Variants in UTP4 observed in about 807,000 individuals in gnomAD.
The protein encoded by UTP4 is UTP4 small subunit processome component.
In UTP4, 45 loss-of-function variants were observed where a neutral mutation model predicts 82.4. The ratio of observed to expected loss-of-function variants is 0.55; its 90% CI spans 0.43 to 0.70. The LOEUF (loss-of-function observed/expected upper bound fraction) is 0.70, where lower values mean the gene tolerates loss of function less well. Ranked by LOEUF, UTP4 falls within the 30% of genes least tolerant of loss-of-function variation. UTP4 has a pLI of 0.00. For missense variants in UTP4, 819 were observed against 858.3 expected (o/e 0.95, Z 0.57); for synonymous variants, 348 against 300.3 (o/e 1.16, Z -1.64).
intron 6 of UTP4, among the ~76,000 whole-genome samples, chr16:69,143,649 T>C (rs1415036522): frequency 1.3e-5 from 2 of 152,212 alleles, no homozygotes; most frequent in Non-Finnish European, 2.9e-5. Flanking sequence ...TCGTCTTGTT[T>C]GATTGTAGAT....
In UTP4 at chr16:69,160,299, C is replaced by T. The variant is rs1597151012; in HGVS notation, c.1445-57C>T. The T allele has an allele frequency of 3.0e-6, 4 of 1,330,836 alleles. No homozygotes were observed. In the South Asian group the frequency reaches 4.7e-5, roughly 16 times the overall value. The allele number at this position is 1,330,836 out of a possible 1,614,324, so 82.4% of individuals were successfully genotyped here. A position where few individuals can be genotyped will look rare whatever the true frequency, so the allele number is the denominator to read the frequency against. On this transcript the variant is annotated intron_variant, in intron 12 of 16. Coordinates refer to ENST00000314423, the MANE Select transcript of UTP4 (RefSeq NM_032830.3). ...TTGGCTTTTGCCATCATCTCCAGGG[C>T]AGGTCTGGCTGTGGACACTGTGTGA...
chr16:69,165,775 G>C (rs1963687421), intron 15 of UTP4: 1 of 594,930 alleles, frequency 1.7e-6, no homozygotes, highest in South Asian at 2.0e-5. Context: ...TTGCTGATTT[G>C]ACTATTTGTC....
chr16:69,137,941 G>C lies in UTP4; in HGVS notation c.436+56G>C, dbSNP rs1962853778. The C allele has an allele frequency of 2.9e-6, 3 of 1,031,026 alleles. No homozygotes were observed. The Admixed American group carries it at 5.1e-5, about 17-fold the overall frequency. 63.9% of individuals were successfully genotyped at this position (1,031,026 alleles called of 1,614,324 possible). On this transcript the variant is annotated intron_variant, in intron 4 of 16. Transcript: ENST00000314423. Reference sequence around the variant, plus strand: ...AGCCTTAACAAGAAATTAAGTTTCTGTGCCACTGGGGATGGGATATTTTCC... The same window carrying C: ...AGCCTTAACAAGAAATTAAGTTTCTCTGCCACTGGGGATGGGATATTTTCC...
intron 2 of UTP4, among the ~76,000 whole-genome samples, chr16:69,135,779 A>T (rs911561741): frequency 1.3e-5 from 2 of 152,170 alleles, no homozygotes; most frequent in African/African-American, 4.8e-5. Flanking sequence ...TAATCCCAGC[A>T]GTTTGGGAGG....
At chr16:69,151,026 A>T (rs1290081806) in intron 8 of UTP4, 122 bp downstream of exon 8, 17 of 739,338 alleles carry the variant, frequency 2.3e-5, no homozygotes, top group Middle Eastern at 3.7e-4. Context: ...TTTTTTTTTG[A>T]GACAGAGTTT....
Position 69,166,627 on chromosome 16 carries a change from G to A in UTP4, c.1834-448G>A, listed in dbSNP as rs185198454. On this transcript the variant is annotated intron_variant, in intron 15 of 16. Coordinates refer to ENST00000314423, the MANE Select transcript of UTP4 (RefSeq NM_032830.3). The stretch of plus-strand genomic sequence containing the variant: ...GAGGTTTCGCCTGGGGAGAACTCCA[G>A]TCACTTGTCCAGTCTGTGATCTGGT... 8 of 165,830 alleles carry A rather than the reference G, an allele frequency of 4.8e-5. No individual in the cohort carries two copies. The East Asian group carries it at 1.4e-3, about 29-fold the overall frequency. 10.3% of individuals were successfully genotyped at this position (165,830 alleles called of 1,614,324 possible).
chr16:69,143,087 G>A (rs936354998), intron 5 of UTP4, 91 bp from the exon 6 acceptor site: 1 of 1,360,930 alleles, frequency 7.3e-7, no homozygotes, highest in African/African-American at 1.4e-5. Flanking sequence ...TAAACTCCAG[G>A]GCTCAAGCAG....
chr16:69,147,366 G>T lies in UTP4; in HGVS notation c.739-3171G>T, dbSNP rs568235961. 4.7e-5 allele frequency among the ~76,000 whole-genome samples: 7 copies of T among 150,060 alleles called. No homozygotes were observed. In the South Asian group the frequency reaches 6.3e-4, roughly 14 times the overall value. ...TAAAATACAAAAAAATTAGCTGGGC[G>T]TGGCGGTATGCGCCTGTAGTCCCAG... On this transcript the variant is annotated intron_variant, in intron 6 of 16. Coordinates refer to ENST00000314423, the MANE Select transcript of UTP4 (RefSeq NM_032830.3).
chr16:69,153,720 G>A lies in UTP4; in HGVS notation c.1099+40G>A, dbSNP rs752701954. 52 of 1,339,626 alleles carry A rather than the reference G, an allele frequency of 3.9e-5. No homozygotes were observed. The East Asian group carries it at 7.1e-4, about 18-fold the overall frequency. The allele number at this position is 1,339,626 out of a possible 1,614,324, so 83.0% of individuals were successfully genotyped here. On this transcript the variant is annotated intron_variant, in intron 9 of 16. Coordinates refer to ENST00000314423, the MANE Select transcript of UTP4 (RefSeq NM_032830.3). ...CGTTTTTTTCAATAAGAAAACTGGA[G>A]AGAGAAGCCAGAAATCAGAATTGCG...
chr16:69,150,593 G>A lies in UTP4; in HGVS notation c.795G>A (p.Leu265=), dbSNP rs778000357. The A allele has an allele frequency of 6.2e-7, 1 of 1,614,192 alleles. No homozygotes were observed. Among genetic ancestry groups the A allele is most frequent in the Non-Finnish European group, 8.5e-7 (1 of 1,180,034 alleles). ...AGGGAACAGTCTTCCATTTTCAGCTGGTCCCTGTGACATCTAACAGCAGTG... is the reference window on the plus strand; with the variant it reads ...AGGGAACAGTCTTCCATTTTCAGCTAGTCCCTGTGACATCTAACAGCAGTG... ...TAEGTVFHFQ[L]VPVTSNSSEK... is the part of the protein sequence containing the mutation. The change falls in exon 7 of 17, where the codon CTG becomes CTA. Residue 265 remains leucine, a synonymous_variant. Coordinates refer to ENST00000314423, the MANE Select transcript of UTP4 (RefSeq NM_032830.3).
intron 13 of UTP4, 150 bp from the exon 14 acceptor site, chr16:69,162,933 G>C: frequency 1.4e-6 from 1 of 725,782 alleles, no homozygotes. Flanking sequence ...AAGTTCATTG[G>C]TTGGGGAAAT....
At chr16:69,151,555 C>T (rs944228802) in intron 8 of UTP4, among the ~76,000 whole-genome samples, 1 of 147,956 alleles carries the variant, frequency 6.8e-6, no homozygotes, top group Non-Finnish European at 1.5e-5. Context: ...CTCCTGACTT[C>T]GTGATACGCC....
intron 4 of UTP4, among the ~76,000 whole-genome samples, chr16:69,138,384 C>T (rs939903707): frequency 5.3e-5 from 8 of 152,032 alleles, no homozygotes; most frequent in African/African-American, 1.7e-4. Flanking sequence ...ATTCCAGGCA[C>T]GTGCCATCGT....
intron 12 of UTP4, among the ~76,000 whole-genome samples, chr16:69,159,395 G>T (rs1963506042): frequency 1.3e-5 from 2 of 151,978 alleles, no homozygotes; most frequent in African/African-American, 4.8e-5. Context: ...CATAATTTTG[G>T]CTTAAAAAAA....
At chr16:69,148,683 CTCA>C (rs1213780318) in intron 6 of UTP4, among the ~76,000 whole-genome samples, 2 of 150,606 alleles carry the variant, frequency 1.3e-5, no homozygotes, top group Admixed American at 1.3e-4. Context: ...GTAATCCTGG[CTCA>C]CTGCAGCCTC....
At chr16:69,134,902 G>T (rs139289101) in intron 2 of UTP4, among the ~76,000 whole-genome samples, 3,478 of 151,412 alleles carry the variant, frequency 0.023, 139 homozygotes, top group African/African-American at 0.079. Context: ...GGCCAGCCTG[G>T]TCTCGAACTC....
Position 69,154,604 on chromosome 16 carries a change from G to A in UTP4, c.1164+147G>A. 1.3e-5 allele frequency: 9 copies of A among 677,196 alleles called. No homozygotes were observed. The South Asian group carries it at 1.6e-4, about 12-fold the overall frequency. 41.9% of individuals were successfully genotyped at this position (677,196 alleles called of 1,614,324 possible). A position where few individuals can be genotyped will look rare whatever the true frequency, so the allele number is the denominator to read the frequency against. ...ATGAAGGACTGTGTCACCAGGACTG[G>A]GTTTCCTGTGATTATAAGTAGGACG... On this transcript the variant is annotated intron_variant, in intron 10 of 16. Coordinates refer to ENST00000314423, the MANE Select transcript of UTP4 (RefSeq NM_032830.3).
chr16:69,150,131 T>C (rs1259005441), intron 6 of UTP4, among the ~76,000 whole-genome samples: 3 of 152,228 alleles, frequency 2.0e-5, no homozygotes, highest in Non-Finnish European at 4.4e-5. Context: ...ATACATTTCT[T>C]TAGTGATAAT....
At chr16:69,138,427 A>G (rs962030285) in intron 4 of UTP4, among the ~76,000 whole-genome samples, 2 of 152,004 alleles carry the variant, frequency 1.3e-5, no homozygotes, top group African/African-American at 4.8e-5. Context: ...TAGTAGAGAC[A>G]GGATTTCACC....
Sources: gnomAD v4.1 joint callset for allele counts (sites outside exome capture counted in the v4.1 genomes callset) on GRCh38, gnomAD v4.1.1 for gene constraint, MANE v1.5 for transcripts, NCBI Gene and HGNC (gene_info 2026-07-23, HGNC 2026-07-21) for gene names.